Variants in PABPC4L observed in about 807,000 individuals in gnomAD.
The protein encoded by PABPC4L is polyadenylate-binding protein 4-like.
For synonymous variants in PABPC4L, 169 were observed against 164.1 expected (o/e 1.03, Z -0.23); for missense variants, 452 against 451.4 (o/e 1.00, Z -0.01).
the PABPC4L span, among the ~76,000 whole-genome samples, chr4:134,140,710 G>T: frequency 6.6e-6 from 1 of 151,698 alleles, no homozygotes; most frequent in Non-Finnish European, 1.5e-5. Context: ...TAATTTATAG[G>T]AGATACAATA....
chr4:134,173,943 T>G, the PABPC4L span, among the ~76,000 whole-genome samples: 1 of 152,162 alleles, frequency 6.6e-6, no homozygotes, highest in African/African-American at 2.4e-5. Flanking sequence ...TGTTAACTTT[T>G]GTGCTCTTTG....
At chr4:134,050,994 A>G in the PABPC4L span, among the ~76,000 whole-genome samples, 1 of 151,940 alleles carries the variant, frequency 6.6e-6, no homozygotes, top group Non-Finnish European at 1.5e-5. Flanking sequence ...CATATTTTAA[A>G]ATATTGTTCT....
the PABPC4L span, among the ~76,000 whole-genome samples, chr4:133,997,496 T>TAA: frequency 6.0e-5 from 9 of 151,052 alleles, no homozygotes; most frequent in African/African-American, 1.5e-4. Flanking sequence ...CATGTCTTAT[T>TAA]AAAAAAAAGA....
At chr4:134,174,328 A>T in the PABPC4L span, among the ~76,000 whole-genome samples, 2 of 152,158 alleles carry the variant, frequency 1.3e-5, no homozygotes, top group Non-Finnish European at 2.9e-5. Context: ...TCCCAAATGA[A>T]TAATAAATAG....
the PABPC4L span, among the ~76,000 whole-genome samples, chr4:134,121,276 G>A: frequency 2.6e-5 from 4 of 151,240 alleles, no homozygotes; most frequent in Admixed American, 2.6e-4. Context: ...CTGTGGGTCT[G>A]TTTATATTAT....
chr4:134,071,974 T>A, the PABPC4L span, among the ~76,000 whole-genome samples: 1 of 152,064 alleles, frequency 6.6e-6, no homozygotes, highest in African/African-American at 2.4e-5. Context: ...AATGGACAAA[T>A]GGGTGTGAGA....
At chr4:134,140,127 A>T in the PABPC4L span, among the ~76,000 whole-genome samples, 2 of 151,876 alleles carry the variant, frequency 1.3e-5, no homozygotes, top group African/African-American at 4.8e-5. Context: ...GTTACGTAGA[A>T]TAAATAAACT....
chr4:133,978,388 A>T, the PABPC4L span, among the ~76,000 whole-genome samples: 1 of 152,174 alleles, frequency 6.6e-6, no homozygotes, highest in African/African-American at 2.4e-5. Flanking sequence ...CAAGAGGATC[A>T]CTTGAGCCCA....
At chr4:134,079,670 T>G in the PABPC4L span, among the ~76,000 whole-genome samples, 36 of 149,342 alleles carry the variant, frequency 2.4e-4, no homozygotes, top group Non-Finnish European at 2.8e-4. Context: ...TGTGTGTATG[T>G]CTGTGTGTGT....
the PABPC4L span, among the ~76,000 whole-genome samples, chr4:134,038,201 A>G: frequency 7.2e-5 from 11 of 151,994 alleles, no homozygotes; most frequent in Admixed American, 7.2e-4. Context: ...AAGCTTTTTG[A>G]TGTGCTGCTG....
At chr4:134,098,818 G>A in the PABPC4L span, among the ~76,000 whole-genome samples, 3 of 151,628 alleles carry the variant, frequency 2.0e-5, no homozygotes, top group African/African-American at 7.2e-5. Context: ...TCATCTACTA[G>A]GAGGTTGTGA....
At chr4:134,019,848 C>A in the PABPC4L span, among the ~76,000 whole-genome samples, 17 of 152,024 alleles carry the variant, frequency 1.1e-4, no homozygotes, top group Non-Finnish European at 7.4e-5. Flanking sequence ...GAAAGAGACA[C>A]TGGGGTTGGC....
At chr4:133,986,540 A>G in the PABPC4L span, among the ~76,000 whole-genome samples, 1 of 152,182 alleles carries the variant, frequency 6.6e-6, no homozygotes, top group Non-Finnish European at 1.5e-5. Context: ...TACAATGTCA[A>G]TGATCTAAAC....
chr4:134,146,437 T>C, the PABPC4L span, among the ~76,000 whole-genome samples: 1 of 151,784 alleles, frequency 6.6e-6, no homozygotes, highest in Non-Finnish European at 1.5e-5. Context: ...GTTTGGAGAA[T>C]GAGAAAAAAT....
the PABPC4L span, among the ~76,000 whole-genome samples, chr4:133,962,419 T>C: frequency 1.3e-5 from 2 of 152,152 alleles, no homozygotes; most frequent in East Asian, 1.9e-4. Context: ...TCCAAGGGAA[T>C]AGATAGCATA....
chr4:133,966,802 T>G, the PABPC4L span, among the ~76,000 whole-genome samples: 1 of 151,622 alleles, frequency 6.6e-6, no homozygotes, highest in Admixed American at 6.6e-5. Context: ...TTTGGGGACT[T>G]GGGGGTAGGG....
the PABPC4L span, among the ~76,000 whole-genome samples, chr4:134,064,919 C>T: frequency 6.6e-6 from 1 of 152,006 alleles, no homozygotes. Context: ...TGCTGGAAAA[C>T]GATATGATTT....
the PABPC4L span, among the ~76,000 whole-genome samples, chr4:134,145,439 A>C: frequency 3.8e-3 from 571 of 151,108 alleles, 2 homozygotes; most frequent in African/African-American, 0.013. Context: ...TAACGATATT[A>C]AACCCCCCTT....
chr4:134,042,989 T>C, the PABPC4L span, among the ~76,000 whole-genome samples: 1 of 152,162 alleles, frequency 6.6e-6, no homozygotes, highest in Admixed American at 6.6e-5. Context: ...CACCAGTAAA[T>C]GAAGGTCTTT....
Sources: gnomAD v4.1 joint callset for allele counts (sites outside exome capture counted in the v4.1 genomes callset) on GRCh38, gnomAD v4.1.1 for gene constraint, MANE v1.5 for transcripts, NCBI Gene and HGNC (gene_info 2026-07-23, HGNC 2026-07-21) for gene names.